The following SCD5 variants were observed in gnomAD, a reference collection of about 807,000 sequenced individuals.
SCD5 encodes stearoyl-CoA desaturase 5, also known as acyl-CoA-desaturase 4.
A neutral mutation model predicts 30.4 loss-of-function variants in SCD5; 20 were observed. That is an observed-to-expected ratio of 0.66 (90% CI 0.46 to 0.96). SCD5 has a LOEUF of 0.96. SCD5 is among the 40% of genes least tolerant of loss of function. The pLI, the probability that SCD5 is intolerant of heterozygous loss-of-function variation, is 0.00. For missense variants in SCD5, 381 were observed against 443.3 expected (o/e 0.86, Z 1.26); for synonymous variants, 173 against 176.4 (o/e 0.98, Z 0.16).
rs1030015317 is a variant in SCD5, at chr4:82,660,385, A to G, written c.569+20322T>C. On this transcript the variant is annotated intron_variant, in intron 3 of 4. Transcript: ENST00000319540. ...TGAATATACTTATGTTTTTATTTAT[A>G]GAAATACATCTGGAAATGATAGCTT... 6.4e-6 allele frequency: 5 copies of G among 782,098 alleles called. No homozygotes were observed. In the African/African-American group the frequency reaches 7.6e-5, roughly 12 times the overall value. The allele number at this position is 782,098 out of a possible 1,614,324, so 48.4% of individuals were successfully genotyped here.
intron 1 of SCD5, among the ~76,000 whole-genome samples, chr4:82,723,142 C>T (rs1720404761): frequency 6.7e-6 from 1 of 148,682 alleles, no homozygotes; most frequent in Admixed American, 6.7e-5. Flanking sequence ...ACTACAGGAA[C>T]ATTACATAGT....
rs112263704 is a variant in SCD5 at position 82,714,093 on chromosome 4, G to A, written c.233-8680C>T. Among the ~76,000 whole-genome samples the A allele has an allele frequency of 7.2e-5, 11 of 152,278 alleles. 1 individual carries two copies. The highest frequency in any genetic ancestry group is 3.9e-4 in the East Asian group (2 of 5,178). On this transcript the variant is annotated intron_variant, in intron 1 of 4. Coordinates refer to ENST00000319540, the MANE Select transcript of SCD5 (RefSeq NM_001037582.3). ...CTCAGAAATTCCTGTCTGCCTGTCTGTATCATCAACACCGCCCCACATACT... is the reference window on the plus strand; with the variant it reads ...CTCAGAAATTCCTGTCTGCCTGTCTATATCATCAACACCGCCCCACATACT...
At chr4:82,725,509 T>C (rs1294375749) in intron 1 of SCD5, among the ~76,000 whole-genome samples, 1 of 152,164 alleles carries the variant, frequency 6.6e-6, no homozygotes, top group Non-Finnish European at 1.5e-5. Context: ...TTCTTCCATA[T>C]GTTACTGTCA....
chr4:82,705,539 G>A lies in SCD5; in HGVS notation c.233-126C>T, dbSNP rs1168745115. 3.1e-6 allele frequency: 4 copies of A among 1,295,150 alleles called. No individual in the cohort carries two copies. The East Asian group carries it at 7.6e-5, about 25-fold the overall frequency. 80.2% of individuals were successfully genotyped at this position (1,295,150 alleles called of 1,614,324 possible). A position where few individuals can be genotyped will look rare whatever the true frequency, so the allele number is the denominator to read the frequency against. On this transcript the variant is annotated intron_variant, in intron 1 of 4. Transcript: ENST00000319540. ...TCAGGGGGGAAAGCTGCAACATGAA[G>A]AATCAATAACTTGAGAGGAGGCAGC...
chr4:82,769,910 TA>T (rs1228820131), intron 1 of SCD5, among the ~76,000 whole-genome samples: 14 of 151,938 alleles, frequency 9.2e-5, no homozygotes, highest in Non-Finnish European at 1.2e-4. Context: ...AGTTTAAAAC[TA>T]TATCAAAATA....
intron 1 of SCD5, among the ~76,000 whole-genome samples, chr4:82,759,690 C>T (rs544052429): frequency 1.1e-4 from 16 of 151,176 alleles, no homozygotes. Context: ...TAAACCTTTT[C>T]CTGGCAAATG....
chr4:82,667,989 A>G (rs1417750323), intron 3 of SCD5, among the ~76,000 whole-genome samples: 1 of 152,246 alleles, frequency 6.6e-6, no homozygotes, highest in Non-Finnish European at 1.5e-5. Flanking sequence ...AATAAATCAA[A>G]GCAGGATGAT....
chr4:82,771,943 T>A (rs373380692), intron 1 of SCD5, among the ~76,000 whole-genome samples: 4 of 152,208 alleles, frequency 2.6e-5, no homozygotes, highest in Non-Finnish European at 5.9e-5. Flanking sequence ...AAAGCAGCCA[T>A]AGAATGTGTT....
chr4:82,646,298 C>T (rs1169362403), intron 3 of SCD5, among the ~76,000 whole-genome samples: 4 of 152,184 alleles, frequency 2.6e-5, no homozygotes, highest in African/African-American at 9.6e-5. Flanking sequence ...ATTTAGAGGA[C>T]AAATGATATG....
chr4:82,642,307 C>A (rs1727562176), intron 3 of SCD5, among the ~76,000 whole-genome samples: 1 of 152,140 alleles, frequency 6.6e-6, no homozygotes, highest in South Asian at 2.1e-4. Flanking sequence ...GCTCACTCAG[C>A]CAACCAAGAA....
intron 1 of SCD5, among the ~76,000 whole-genome samples, chr4:82,758,042 C>T (rs1039318748): frequency 3.3e-5 from 5 of 152,136 alleles, no homozygotes; most frequent in Non-Finnish European, 7.4e-5. Context: ...TTCCAAGAGA[C>T]TGGGTTAGTG....
intron 1 of SCD5, among the ~76,000 whole-genome samples, chr4:82,769,193 C>A (rs749212820): frequency 6.6e-6 from 1 of 151,820 alleles, no homozygotes. Flanking sequence ...GATCTCTGAG[C>A]TCCATTCCCA....
At chr4:82,684,043 A>G (rs1728642551) in intron 2 of SCD5, among the ~76,000 whole-genome samples, 1 of 152,260 alleles carries the variant, frequency 6.6e-6, no homozygotes, top group African/African-American at 2.4e-5. Flanking sequence ...AGTTTCAAAT[A>G]GCTAGAAACA....
intron 3 of SCD5, among the ~76,000 whole-genome samples, chr4:82,648,208 T>C (rs1420247122): frequency 1.3e-5 from 2 of 152,120 alleles, no homozygotes; most frequent in African/African-American, 4.8e-5. Flanking sequence ...TGGGAGATGT[T>C]TGGGGGAAGA....
chr4:82,698,060 G>A (rs1392460790), intron 2 of SCD5: 1 of 456,672 alleles, frequency 2.2e-6, no homozygotes, highest in South Asian at 1.5e-5. Context: ...GGGCATCTGG[G>A]TCAGGACCAC....
intron 3 of SCD5, among the ~76,000 whole-genome samples, chr4:82,653,918 ATTT>A (rs34178799): frequency 1.4e-5 from 2 of 146,696 alleles, no homozygotes; most frequent in African/African-American, 2.5e-5. Flanking sequence ...GTCAATGAGT[ATTT>A]TTTTTTTTTT....
chr4:82,724,938 T>C (rs979754911), intron 1 of SCD5, among the ~76,000 whole-genome samples: 1 of 152,186 alleles, frequency 6.6e-6, no homozygotes, highest in Admixed American at 6.5e-5. Flanking sequence ...AAGGTAACTA[T>C]TAATAAGAAA....
intron 1 of SCD5, among the ~76,000 whole-genome samples, chr4:82,752,441 C>T (rs1199412342): frequency 6.6e-6 from 1 of 152,044 alleles, no homozygotes; most frequent in Non-Finnish European, 1.5e-5. Context: ...CATCATTTTA[C>T]TTCTTCTACT....
rs370917223 is a variant in SCD5, at chr4:82,717,289, C to T, written c.233-11876G>A. 2.3e-4 allele frequency among the ~76,000 whole-genome samples: 35 copies of T among 151,666 alleles called. 2 individuals carry two copies. Among genetic ancestry groups the T allele is most frequent in the African/African-American group, 5.4e-4 (22 of 41,084 alleles). ...CCCAACACAGACTTTTTTTTTGAAC[C>T]GGGTCCTCAGACTGCTCAGGTTCTC... On this transcript the variant is annotated intron_variant, in intron 1 of 4. Transcript: ENST00000319540.
Sources: allele counts gnomAD v4.1 joint callset (sites outside exome capture counted in the v4.1 genomes callset), GRCh38; gene constraint gnomAD v4.1.1; transcripts MANE v1.5; gene names NCBI Gene and HGNC (gene_info 2026-07-23, HGNC 2026-07-21).